Variants in SHISA6 observed in about 807,000 individuals in gnomAD.
SHISA6 encodes shisa family member 6.
A neutral mutation model predicts 47.9 loss-of-function variants in SHISA6; 22 were observed. The observed-to-expected ratio is 0.46, with a 90% CI of 0.33 to 0.66. The LOEUF is 0.66. Ranked by LOEUF, SHISA6 falls within the 30% of genes least tolerant of loss-of-function variation. The pLI, the probability that SHISA6 is intolerant of heterozygous loss-of-function variation, is 0.02. For missense variants in SHISA6, 680 were observed against 764.6 expected, an observed-to-expected ratio of 0.89 and a Z score of 1.30; for synonymous variants, 388 against 337.8, an observed-to-expected ratio of 1.15 and a Z score of -1.63.
At chr17:11,431,329 G>A (rs971516410) in intron 3 of SHISA6, among the ~76,000 whole-genome samples, 2 of 152,184 alleles carry the variant, frequency 1.3e-5, no homozygotes, top group African/African-American at 4.8e-5. Context: ...GGGGAGTGTG[G>A]AGCAGGAAGA....
At chr17:11,275,149 A>ATTTTTTTTT in intron 2 of SHISA6, among the ~76,000 whole-genome samples, 1 of 146,024 alleles carries the variant, frequency 6.8e-6, no homozygotes. Context: ...AGCAGGAGGA[A>ATTTTTTTTT]TTTTTTTTTT....
intron 3 of SHISA6, among the ~76,000 whole-genome samples, chr17:11,481,336 ATGTGTGTG>A (rs3038693): frequency 0.14 from 19,350 of 141,064 alleles, 1,450 homozygotes; most frequent in South Asian, 0.22. Context: ...AAAAATATAT[ATGTGTGTG>A]TGTGTGTGTG....
At chr17:11,280,493 G>A (rs1909081755) in intron 2 of SHISA6, among the ~76,000 whole-genome samples, 1 of 152,230 alleles carries the variant, frequency 6.6e-6, no homozygotes, top group African/African-American at 2.4e-5. Context: ...CAGGAGTACA[G>A]ATGAGAATTG....
intron 2 of SHISA6, among the ~76,000 whole-genome samples, chr17:11,341,110 A>G (rs536434104): frequency 1.3e-5 from 2 of 152,260 alleles, no homozygotes; most frequent in South Asian, 4.1e-4. Context: ...TCTGGCTGAG[A>G]TGCACCCACT....
intron 2 of SHISA6, chr17:11,290,666 T>G (rs1245930439): frequency 3.9e-5 from 6 of 151,968 alleles, no homozygotes; most frequent in African/African-American, 1.4e-4. Context: ...ATTTTCTCTC[T>G]CTATATATTT....
At chr17:11,393,246 C>T (rs1361168033) in intron 3 of SHISA6, among the ~76,000 whole-genome samples, 1 of 152,228 alleles carries the variant, frequency 6.6e-6, no homozygotes, top group African/African-American at 2.4e-5. Flanking sequence ...GCACTCTACA[C>T]ACTGCACACT....
At chr17:11,423,072 G>A (rs1914493731) in intron 3 of SHISA6, among the ~76,000 whole-genome samples, 1 of 151,702 alleles carries the variant, frequency 6.6e-6, no homozygotes, top group South Asian at 2.1e-4. Context: ...AAAGGAGTGA[G>A]TGCTTTTGAT....
chr17:11,449,377 A>T (rs1223466401), intron 3 of SHISA6, among the ~76,000 whole-genome samples: 16 of 152,154 alleles, frequency 1.1e-4, no homozygotes. Context: ...TGAGAAGCGG[A>T]GGTTGCACTG....
At chr17:11,493,027 C>A (rs765967465) in intron 3 of SHISA6, among the ~76,000 whole-genome samples, 53 of 152,154 alleles carry the variant, frequency 3.5e-4, no homozygotes, top group Non-Finnish European at 5.6e-4. Flanking sequence ...AGGTGGGGAA[C>A]CATTCCCTGA....
Position 11,469,783 on chromosome 17 carries a change from C to T in SHISA6, c.896-82113C>T, listed in dbSNP as rs1915895048. Among the ~76,000 whole-genome samples, 6 of 152,330 alleles carry T rather than the reference C, an allele frequency of 3.9e-5. No homozygotes were observed. In the South Asian group the frequency reaches 1.2e-3, roughly 32 times the overall value. ...AGTTTTCTCTTCTCTGGCTTCCCAGCTGGCCTCAGCAACAGACCTTCCAAA... is the reference window on the plus strand; with the variant it reads ...AGTTTTCTCTTCTCTGGCTTCCCAGTTGGCCTCAGCAACAGACCTTCCAAA... On this transcript the variant is annotated intron_variant, in intron 3 of 5. Coordinates refer to ENST00000441885, the MANE Select transcript of SHISA6 (RefSeq NM_207386.4).
intron 3 of SHISA6, among the ~76,000 whole-genome samples, chr17:11,385,397 C>T (rs1410730366): frequency 6.6e-6 from 1 of 151,840 alleles, no homozygotes; most frequent in African/African-American, 2.4e-5. Context: ...CCCACAGGGC[C>T]CTGTGGGGCA....
chr17:11,246,040 T>A (rs960501571), intron 1 of SHISA6, among the ~76,000 whole-genome samples: 12 of 152,160 alleles, frequency 7.9e-5, no homozygotes, highest in African/African-American at 2.7e-4. Flanking sequence ...AGTCACTGCG[T>A]TTTTTGAAGC....
At position 11,286,968 on chromosome 17, in the gene SHISA6, A is replaced by G. The variant is rs147667083; in HGVS notation, c.799+23442A>G. Among the ~76,000 whole-genome samples, 358 of 152,350 alleles carry G rather than the reference A, an allele frequency of 2.3e-3. 8 individuals are homozygous for G. The East Asian group carries it at 0.05, about 21-fold the overall frequency. Reference sequence around the variant, plus strand: ...ATATGAGGAAGGAAGTAGCTTGACCAGCAGACATGACTATTCTGTTTTCTT... The same window carrying G: ...ATATGAGGAAGGAAGTAGCTTGACCGGCAGACATGACTATTCTGTTTTCTT... On this transcript the variant is annotated intron_variant, in intron 2 of 5. Transcript: ENST00000441885.
intron 3 of SHISA6, among the ~76,000 whole-genome samples, chr17:11,436,338 C>G (rs966507253): frequency 2.6e-5 from 4 of 152,202 alleles, no homozygotes; most frequent in Non-Finnish European, 5.9e-5. Flanking sequence ...TTTGTTTCAG[C>G]TACCCAGTCT....
chr17:11,365,624 CAGTT>C (rs1912425343), intron 2 of SHISA6, among the ~76,000 whole-genome samples: 1 of 152,156 alleles, frequency 6.6e-6, no homozygotes, highest in African/African-American at 2.4e-5. Context: ...TTTTCTTAGA[CAGTT>C]GACAGGAATT....
chr17:11,538,278 G>T (rs1440312803), intron 3 of SHISA6, among the ~76,000 whole-genome samples: 1 of 152,244 alleles, frequency 6.6e-6, no homozygotes, highest in East Asian at 1.9e-4. Flanking sequence ...TGGCCAGGCT[G>T]GTCTCAACTC....
chr17:11,459,368 G>A (rs1044368117), intron 3 of SHISA6, among the ~76,000 whole-genome samples: 1 of 152,040 alleles, frequency 6.6e-6, no homozygotes, highest in African/African-American at 2.4e-5. Flanking sequence ...CCCTGCTATA[G>A]CATTGCTCAG....
intron 3 of SHISA6, among the ~76,000 whole-genome samples, chr17:11,460,173 T>C (rs1915657181): frequency 6.6e-6 from 1 of 152,156 alleles, no homozygotes; most frequent in Admixed American, 6.5e-5. Context: ...TCCAGCTCAA[T>C]GAGGCCGGAA....
intron 3 of SHISA6, among the ~76,000 whole-genome samples, chr17:11,445,753 A>G (rs1171154519): frequency 6.6e-6 from 1 of 152,236 alleles, no homozygotes. Context: ...TAAGGAGGTA[A>G]TCACTGGAAG....
Sources: allele counts gnomAD v4.1 joint callset (sites outside exome capture counted in the v4.1 genomes callset), GRCh38; gene constraint gnomAD v4.1.1; transcripts MANE v1.5; gene names NCBI Gene and HGNC (gene_info 2026-07-23, HGNC 2026-07-21).